DOCK2: variants seen among roughly 807,000 people sequenced by gnomAD.
DOCK2 encodes the protein dedicator of cytokinesis 2.
Under a neutral mutation model 248.9 loss-of-function variants are expected in DOCK2, and 87 were observed. The observed-to-expected ratio is 0.35, with a 90% CI of 0.29 to 0.42. The LOEUF is 0.42. DOCK2 is among the 10% of genes least tolerant of loss of function. The probability of loss-of-function intolerance (pLI) is 1.00; values close to 1 mark genes in which losing one functional copy is unlikely to be tolerated. For synonymous variants in DOCK2, 805 were observed against 821.6 expected (o/e 0.98, Z 0.35); for missense variants, 1,747 against 2,300.2 (o/e 0.76, Z 4.92).
At chr5:169,726,994 G>C (rs1311756023) in intron 22 of DOCK2, among the ~76,000 whole-genome samples, 3 of 152,032 alleles carry the variant, frequency 2.0e-5, no homozygotes, top group Non-Finnish European at 4.4e-5. Flanking sequence ...GCTTGAACTG[G>C]GGGGTGGAGG....
At chr5:169,683,522 C>T (rs988063210) in intron 7 of DOCK2, among the ~76,000 whole-genome samples, 4 of 152,288 alleles carry the variant, frequency 2.6e-5, no homozygotes, top group Admixed American at 1.3e-4. Flanking sequence ...TGAGCCACCA[C>T]GCCAGCCTAA....
intron 2 of DOCK2, among the ~76,000 whole-genome samples, chr5:169,656,343 G>C (rs75254338): frequency 1.4e-5 from 2 of 147,918 alleles, no homozygotes; most frequent in African/African-American, 5.0e-5. Flanking sequence ...TTTTTTTTAA[G>C]ACGGACTCTT....
chr5:169,773,449 C>CGT (rs35693648), intron 25 of DOCK2, among the ~76,000 whole-genome samples: 59,638 of 150,314 alleles, frequency 0.4, 12,599 homozygotes, highest in East Asian at 0.59. Context: ...ATAAACTCTT[C>CGT]GTGTGTGTGT....
intron 27 of DOCK2, chr5:169,882,763 A>T: frequency 6.4e-7 from 1 of 1,551,558 alleles, no homozygotes; most frequent in Non-Finnish European, 8.7e-7. Flanking sequence ...AGAGGATGGG[A>T]GATGATTACT....
chr5:169,843,419 G>A (rs1004746840), intron 27 of DOCK2, among the ~76,000 whole-genome samples: 2 of 152,218 alleles, frequency 1.3e-5, no homozygotes, highest in Non-Finnish European at 2.9e-5. Context: ...CTACTCGGGA[G>A]GCTGAGGCAG....
At chr5:169,744,125 T>C (rs1251778586) in intron 22 of DOCK2, among the ~76,000 whole-genome samples, 1 of 152,172 alleles carries the variant, frequency 6.6e-6, no homozygotes, top group East Asian at 1.9e-4. Flanking sequence ...CATGGCTTCC[T>C]GGGATTTGTG....
rs140529069 is a variant in DOCK2, at chr5:170,025,898, C to T, written c.3382-1965C>T. Among the ~76,000 whole-genome samples, 284 of 150,954 alleles carry T rather than the reference C, an allele frequency of 1.9e-3. 1 individual carries two copies. The highest frequency in any genetic ancestry group is 5.7e-3 in the African/African-American group (232 of 41,034). ...GTCCATCCATTCTTCTCTGCTCAAG[C>T]TGAACTGCTGTCTTCATTTTTCTCC... is the stretch of plus-strand genomic sequence containing the variant. On this transcript the variant is annotated intron_variant, in intron 33 of 51. Coordinates refer to ENST00000520908, the MANE Select transcript of DOCK2 (RefSeq NM_004946.3).
Position 169,790,840 on chromosome 5 carries a change from G to A in DOCK2, c.2555-12218G>A, listed in dbSNP as rs142219179. ...CTCATCCAAGGTTACACACAGCCTGGTGGTAGTAAGGCTGGGATTCAAACC... is the reference window on the plus strand; with the variant it reads ...CTCATCCAAGGTTACACACAGCCTGATGGTAGTAAGGCTGGGATTCAAACC... On this transcript the variant is annotated intron_variant, in intron 25 of 51. Transcript: ENST00000520908. Among the ~76,000 whole-genome samples, 1,494 of 152,298 alleles carry A rather than the reference G, an allele frequency of 9.8e-3. 26 individuals are homozygous for A. The highest frequency in any genetic ancestry group is 0.034 in the African/African-American group (1,403 of 41,550).
intron 27 of DOCK2, among the ~76,000 whole-genome samples, chr5:169,854,321 G>T (rs570915090): frequency 3.2e-4 from 48 of 152,084 alleles, no homozygotes; most frequent in Middle Eastern, 3.4e-3. Flanking sequence ...TAGTAAGTGG[G>T]ATTACAGGTA....
At chr5:169,896,594 G>T (rs1275770944) in intron 27 of DOCK2, among the ~76,000 whole-genome samples, 1 of 152,184 alleles carries the variant, frequency 6.6e-6, no homozygotes, top group Non-Finnish European at 1.5e-5. Flanking sequence ...CGCCTGTCAG[G>T]CTGGAACCAC....
chr5:169,958,228 C>CAAAAAA, intron 27 of DOCK2, among the ~76,000 whole-genome samples: 1 of 150,288 alleles, frequency 6.7e-6, no homozygotes. Flanking sequence ...CTTTGTTTTG[C>CAAAAAA]AAAAAAAAAA....
At chr5:169,890,068 A>G (rs1299931829) in intron 27 of DOCK2, among the ~76,000 whole-genome samples, 2 of 152,254 alleles carry the variant, frequency 1.3e-5, no homozygotes, top group Non-Finnish European at 2.9e-5. Context: ...AAAGAAGACG[A>G]ATTCAATCCA....
At chr5:169,968,906 T>C (rs576008443) in intron 27 of DOCK2, among the ~76,000 whole-genome samples, 1 of 152,282 alleles carries the variant, frequency 6.6e-6, no homozygotes, top group African/African-American at 2.4e-5. Context: ...TTATGCATTT[T>C]AGGAGGCCAA....
At chr5:169,856,932 A>G (rs1161835357) in intron 27 of DOCK2, among the ~76,000 whole-genome samples, 2 of 152,236 alleles carry the variant, frequency 1.3e-5, no homozygotes, top group East Asian at 3.9e-4. Flanking sequence ...AGGAGCAAAC[A>G]TATGGGTTTC....
At chr5:169,975,398 C>T (rs1332251898) in intron 27 of DOCK2, among the ~76,000 whole-genome samples, 2 of 152,120 alleles carry the variant, frequency 1.3e-5, no homozygotes, top group Non-Finnish European at 2.9e-5. Flanking sequence ...CAAGAAAATC[C>T]TAATTCTTGC....
At chr5:170,008,228 A>AAC (rs1755139911) in intron 30 of DOCK2, among the ~76,000 whole-genome samples, 3 of 101,320 alleles carry the variant, frequency 3.0e-5, no homozygotes, top group East Asian at 3.7e-4. Context: ...ACAACAACAA[A>AAC]AAAAAAAAAA....
chr5:170,004,768 G>C (rs1429928661), intron 30 of DOCK2, among the ~76,000 whole-genome samples: 1 of 147,632 alleles, frequency 6.8e-6, no homozygotes, highest in African/African-American at 2.5e-5. Flanking sequence ...TCCTTTGTAG[G>C]GACATGGATG....
At chr5:170,044,723 C>T (rs750594861) in intron 38 of DOCK2, among the ~76,000 whole-genome samples, 6 of 152,146 alleles carry the variant, frequency 3.9e-5, no homozygotes, top group Non-Finnish European at 5.9e-5. Flanking sequence ...CTTCTCCACT[C>T]GGCACTTGGT....
At chr5:169,870,327 T>TGCTGCTTCTA (rs1196093887) in intron 27 of DOCK2, among the ~76,000 whole-genome samples, 2 of 152,084 alleles carry the variant, frequency 1.3e-5, no homozygotes, top group Non-Finnish European at 2.9e-5. Context: ...TCTAGGTAAT[T>TGCTGCTTCTA]GGAAGCAGCA....
Sources: gnomAD v4.1 joint callset for allele counts (sites outside exome capture counted in the v4.1 genomes callset) on GRCh38, gnomAD v4.1.1 for gene constraint, MANE v1.5 for transcripts, NCBI Gene and HGNC (gene_info 2026-07-23, HGNC 2026-07-21) for gene names.